DENND1C: variants seen among roughly 807,000 people sequenced by gnomAD.
DENND1C encodes DENN domain containing 1C.
In DENND1C, 64 loss-of-function variants were observed where a neutral mutation model predicts 87.9. The observed-to-expected ratio is 0.73, with a 90% confidence interval of 0.60 to 0.90. DENND1C has a LOEUF of 0.90. DENND1C is among the 40% of genes least tolerant of loss of function. The probability of loss-of-function intolerance (pLI) is 0.00; values close to 1 mark genes in which losing one functional copy is unlikely to be tolerated. For missense variants in DENND1C, 980 were observed against 1,037.0 expected, an observed-to-expected ratio of 0.95 and a Z score of 0.76; for synonymous variants, 384 against 424.4, an observed-to-expected ratio of 0.90 and a Z score of 1.17.
Position 6,468,235 on chromosome 19 carries a change from A to C in DENND1C, c.1790T>G (p.Leu597Arg). The change falls in exon 22 of 23, where the codon CTG (leucine) becomes CGG (arginine). Residue 597 changes from leucine (L) to arginine (R), a missense_variant and splice_region_variant. Leu to Arg is a moderately radical substitution (Grantham distance 102, BLOSUM62 -2). Coordinates refer to ENST00000381480, the MANE Select transcript of DENND1C (RefSeq NM_024898.4). ...TGGGGGAGTGGGCGAGGCTCTCACC[A>C]GGCTGAAGCAGCTGTCCAGGTCTCC... ...HRGDLDSCFS[L>R]PNIPRWQPDD... 1 of 1,613,124 alleles carries C rather than the reference A, an allele frequency of 6.2e-7. No homozygotes were observed. The highest frequency in any genetic ancestry group is 2.2e-5 in the East Asian group (1 of 44,856).
In DENND1C at chr19:6,479,184, G is replaced by GATCCCTGGGTCTCAGA. The variant is rs1232813778; in HGVS notation, c.177-144_177-129dup. ...AGTTGTCAGGATCCCTGAATGTCTGGATCCCTGGGTCTCAGAATCCCTGGG... is the reference window on the plus strand; with the variant it reads ...AGTTGTCAGGATCCCTGAATGTCTGGATCCCTGGGTCTCAGAATCCCTGGGTCTCAGAATCCCTGGG... On this transcript the variant is annotated intron_variant, in intron 4 of 22. Transcript: ENST00000381480. 1,488 of 1,343,100 alleles carry GATCCCTGGGTCTCAGA rather than the reference G, an allele frequency of 1.1e-3. 13 individuals carry two copies. The African/African-American group carries it at 0.02, about 18-fold the overall frequency. 83.2% of individuals were successfully genotyped at this position (1,343,100 alleles called of 1,614,324 possible). A position where few individuals can be genotyped will look rare whatever the true frequency, so the allele number is the denominator to read the frequency against.
At position 6,477,247 on chromosome 19, in the gene DENND1C, G is replaced by C; in HGVS notation, c.484C>G (p.Pro162Ala). Residue 162 changes from proline (P) to alanine (A), a missense_variant, in exon 8 of 23, where the codon CCC becomes GCC. Pro to Ala is a conservative substitution (Grantham distance 27). Coordinates refer to ENST00000381480, the MANE Select transcript of DENND1C (RefSeq NM_024898.4). ...TTGCTATTCCCCCGGGTAGGGGGGG[G>C]GATACCCTGCCCGCTGGAGACCGTC... ...GVTVSSGQGI[P>A]PPTRGNSKPL... 6.3e-7 allele frequency: 1 copy of C among 1,583,580 alleles called. No homozygotes were observed. Among genetic ancestry groups the C allele is most frequent in the South Asian group, 1.1e-5 (1 of 87,876 alleles).
chr19:6,467,510 C>T lies in DENND1C; in HGVS notation c.2400G>A (p.Glu800=). ...PRVADLKKCF[E]G is the part of the protein sequence containing the mutation. ...TCTCTTGGACCCCTGATTCTTAACC[C>T]TCAAAGCACTTCTTAAGATCAGCGA... The change falls in exon 23 of 23, where the codon GAG becomes GAA. Residue 800 remains glutamate, a synonymous_variant. Coordinates refer to ENST00000381480, the MANE Select transcript of DENND1C (RefSeq NM_024898.4). 1 of 1,596,616 alleles carries T rather than the reference C, an allele frequency of 6.3e-7. No homozygotes were observed. The highest frequency in any genetic ancestry group is 8.5e-7 in the Non-Finnish European group (1 of 1,173,294).
chr19:6,467,379 A>C lies in DENND1C; in HGVS notation c.*125T>G. ...AGAGAGGCTGCCCTTGGAGGGACAG[A>C]GGTGGGTGGGATGGATTTCCGAGCA... On this transcript the variant is annotated 3_prime_UTR_variant, in exon 23 of 23. Transcript: ENST00000381480. The C allele has an allele frequency of 1.5e-6, 2 of 1,301,144 alleles. No individual in the cohort carries two copies. Among genetic ancestry groups the C allele is most frequent in the South Asian group, 3.7e-5 (2 of 54,280 alleles). 80.6% of individuals were successfully genotyped at this position (1,301,144 alleles called of 1,614,324 possible).
chr19:6,467,907 C>A lies in DENND1C; in HGVS notation c.2003G>T (p.Gly668Val), dbSNP rs753605005. The change falls in exon 23 of 23, where the codon GGG becomes GTG. Residue 668 changes from glycine to valine, a missense_variant. Physicochemically the swap from Gly to Val is moderately radical, Grantham distance 109. Coordinates refer to ENST00000381480, the MANE Select transcript of DENND1C (RefSeq NM_024898.4). ...TGTGAGAGGAGAGGGTTTGGGGTCC[C>A]CCCAGATGCTTGGGTCTGCAGAAGC... is the stretch of plus-strand genomic sequence containing the variant. The part of the protein sequence containing the change: ...STASADPSIW[G>V]DPKPSPLTEP... The A allele has an allele frequency of 1.9e-6, 3 of 1,613,298 alleles. No homozygotes were observed. In the African/African-American group the frequency reaches 4.0e-5, roughly 22 times the overall value.
At chr19:6,478,116 C>G (rs996866154) in intron 6 of DENND1C, among the ~76,000 whole-genome samples, 1 of 152,006 alleles carries the variant, frequency 6.6e-6, no homozygotes, top group Admixed American at 6.5e-5. Context: ...GCTCTGTCCC[C>G]CAGGCTGGAG....
Position 6,475,603 on chromosome 19 carries a change from C to CG in DENND1C, c.826-19dup, listed in dbSNP as rs764826608. 1.2e-6 allele frequency: 2 copies of CG among 1,613,792 alleles called. No homozygotes were observed. Among genetic ancestry groups the CG allele is most frequent in the African/African-American group, 2.7e-5 (2 of 74,930 alleles). On this transcript the variant is annotated intron_variant, in intron 12 of 22. Coordinates refer to ENST00000381480, the MANE Select transcript of DENND1C (RefSeq NM_024898.4). ...CGTACTCTCTGCGGAAAAGCGGGGT[C>CG]GGCCGCTCAGAGCCCGGGAGTCCTT...
chr19:6,477,547 G>A lies in DENND1C; in HGVS notation c.367-89C>T, dbSNP rs1353964458. The A allele has an allele frequency of 2.6e-6, 3 of 1,169,388 alleles. No homozygotes were observed. The African/African-American group carries it at 4.6e-5, about 18-fold the overall frequency. 72.4% of individuals were successfully genotyped at this position (1,169,388 alleles called of 1,614,324 possible). ...CTATGACTAAGGTTGAGTGGTCTGG[G>A]AGGAGCCAAGGGCTCAGGTCAGTCC... On this transcript the variant is annotated intron_variant, in intron 6 of 22. Transcript: ENST00000381480.
Position 6,469,001 on chromosome 19 carries a change from A to G in DENND1C, c.1408-48T>C, listed in dbSNP as rs139457098. 490 of 1,076,896 alleles carry G rather than the reference A, an allele frequency of 4.6e-4. 2 individuals are homozygous for G. In the African/African-American group the frequency reaches 7.0e-3, roughly 15 times the overall value. 66.7% of individuals were successfully genotyped at this position (1,076,896 alleles called of 1,614,324 possible). A position where few individuals can be genotyped will look rare whatever the true frequency, so the allele number is the denominator to read the frequency against. On this transcript the variant is annotated intron_variant, in intron 19 of 22. Transcript: ENST00000381480. ...GGAACCTCTGCCACAGAGTCTCCCC[A>G]CCACCCCCTACCATTGGTCTTTAGT...
At position 6,467,735 on chromosome 19, in the gene DENND1C, G is replaced by T; in HGVS notation, c.2175C>A (p.Asn725Lys). Residue 725 changes from asparagine (N) to lysine (K), a missense_variant, in exon 23 of 23, where the codon AAC (asparagine) becomes AAA (lysine). Asn to Lys is a moderately conservative substitution (Grantham distance 94). Transcript: ENST00000381480. ...SPQILAPTKP[N>K]FDIAWTSQPL... ...GCTGGGACGTCCAGGCTATATCAAA[G>T]TTGGGCTTTGTGGGGGCCAGAATTT... 6.6e-7 allele frequency: 1 copy of T among 1,521,458 alleles called. No individual in the cohort carries two copies. Among genetic ancestry groups the T allele is most frequent in the Non-Finnish European group, 8.8e-7 (1 of 1,137,546 alleles). 94.2% of individuals were successfully genotyped at this position (1,521,458 alleles called of 1,614,324 possible). A position where few individuals can be genotyped will look rare whatever the true frequency, so the allele number is the denominator to read the frequency against.
rs1361843151 is a variant in DENND1C at position 6,471,388 on chromosome 19, G to A, written c.1249+18C>T. 1.9e-6 allele frequency: 3 copies of A among 1,583,608 alleles called. No homozygotes were observed. The highest frequency in any genetic ancestry group is 1.7e-4 in the Middle Eastern group (1 of 6,030). ...GTGGCGGGTAGTGGGGGACCCAGGG[G>A]CTGGACTCAGGGCTCACCTGAGGAG... On this transcript the variant is annotated intron_variant, in intron 16 of 22. Transcript: ENST00000381480.
At chr19:6,479,352 GTCCCTGA>G in intron 4 of DENND1C, among the ~76,000 whole-genome samples, 1 of 144,566 alleles carries the variant, frequency 6.9e-6, no homozygotes, top group African/African-American at 2.8e-5. Context: ...TGAGTCCCTG[GTCCCTGA>G]GTTTCTGAGT....
intron 6 of DENND1C, 71 bp from the exon 7 acceptor site, chr19:6,477,529 T>C (rs1257538811): frequency 2.8e-6 from 4 of 1,426,496 alleles, no homozygotes; most frequent in Non-Finnish European, 3.9e-6. Context: ...GGGCTATGAC[T>C]AAGGTTGAGT....
At chr19:6,479,124 AC>A (rs2092881446) in intron 4 of DENND1C, 68 bp from the exon 5 acceptor site, 1 of 1,599,734 alleles carries the variant, frequency 6.3e-7, no homozygotes, top group African/African-American at 1.3e-5. Context: ...CCGCTCCCCA[AC>A]AAAGCTCCTA....
At chr19:6,469,758 T>C in intron 18 of DENND1C, 118 bp from the exon 19 acceptor site, 2 of 1,023,926 alleles carry the variant, frequency 2.0e-6, no homozygotes, top group Non-Finnish European at 3.0e-6. Flanking sequence ...CTCAAATACG[T>C]TCACCACCCC....
In DENND1C at chr19:6,479,664, C is replaced by T. The variant is rs201050672; in HGVS notation, c.176+5G>A. 7.4e-5 allele frequency: 119 copies of T among 1,613,870 alleles called. 1 individual carries two copies. Among genetic ancestry groups the T allele is most frequent in the African/African-American group, 3.6e-4 (27 of 74,996 alleles). ...GAGTCCTTGGATCTCCCCGCCCTTC[C>T]GTACCTTTCCACATCAAAAGGGAAG... On this transcript the variant is annotated splice_donor_5th_base_variant and intron_variant, in intron 4 of 22. Coordinates refer to ENST00000381480, the MANE Select transcript of DENND1C (RefSeq NM_024898.4).
At position 6,477,460 on chromosome 19, in the gene DENND1C, TG is replaced by T. The variant is rs1474404748; in HGVS notation, c.367-3del. The T allele has an allele frequency of 8.2e-6, 12 of 1,455,296 alleles. No homozygotes were observed. Among genetic ancestry groups the T allele is most frequent in the Non-Finnish European group, 1.1e-5 (12 of 1,074,110 alleles). The allele number at this position is 1,455,296 out of a possible 1,614,324, so 90.1% of individuals were successfully genotyped here. On this transcript the variant is annotated splice_region_variant and splice_polypyrimidine_tract_variant and intron_variant, in intron 6 of 22. Transcript: ENST00000381480. ...AAGAAGTTCCTCTGCCTCGGTGACC[TG>T]GGTGGGACGTGGAGGGGCGGGGGTG... is the stretch of plus-strand genomic sequence containing the variant.
chr19:6,481,463 T>TAG (rs4028204), intron 1 of DENND1C, among the ~76,000 whole-genome samples: 104,617 of 147,830 alleles, frequency 0.71, 37,996 homozygotes, highest in Non-Finnish European at 0.81. Flanking sequence ...AGGAGCTGGA[T>TAG]AGAGAGAGAG....
intron 20 of DENND1C, 97 bp downstream of exon 20, chr19:6,468,749 G>T: frequency 7.3e-7 from 1 of 1,373,060 alleles, no homozygotes; most frequent in Non-Finnish European, 9.7e-7. Flanking sequence ...TATTTGGGGA[G>T]TTGAAGAAGG....
Sources: gnomAD v4.1 joint callset for allele counts (sites outside exome capture counted in the v4.1 genomes callset) on GRCh38, gnomAD v4.1.1 for gene constraint, MANE v1.5 for transcripts, NCBI Gene and HGNC (gene_info 2026-07-23, HGNC 2026-07-21) for gene names.